SSUH2: variants seen among roughly 807,000 people sequenced by gnomAD.
SSUH2 encodes the protein ssu-2 homolog, also known as protein SSUH2 homolog.
In SSUH2, 47 loss-of-function variants were observed where a neutral mutation model predicts 55.3. The ratio of observed to expected loss-of-function variants is 0.85; its 90% CI spans 0.67 to 1.08. SSUH2 has a LOEUF of 1.08. Ranked by LOEUF, SSUH2 falls within the 50% of genes least tolerant of loss-of-function variation. SSUH2 has a pLI of 0.00. For missense variants in SSUH2, 535 were observed against 490.7 expected (o/e 1.09, Z -0.85); for synonymous variants, 212 against 191.5 (o/e 1.11, Z -0.89).
intron 1 of SSUH2, among the ~76,000 whole-genome samples, chr3:8,641,567 G>C (rs1306394276): frequency 2.0e-5 from 3 of 152,152 alleles, no homozygotes; most frequent in Non-Finnish European, 4.4e-5. Context: ...CCCCAAAGTA[G>C]ATGCTGTATC....
chr3:8,653,672 T>C (rs1702656918), intron 7 of SSUH2, among the ~76,000 whole-genome samples: 1 of 152,270 alleles, frequency 6.6e-6, no homozygotes, highest in Non-Finnish European at 1.5e-5. Flanking sequence ...ACAAGACTTT[T>C]GTTTTTACTG....
At position 8,679,383 on chromosome 3, in the gene SSUH2, A is replaced by T. The variant is rs7431309; in HGVS notation, c.-901+322T>A. Among the ~76,000 whole-genome samples, 15 of 67,400 alleles carry T rather than the reference A, an allele frequency of 2.2e-4. No individual in the cohort carries two copies. The South Asian group carries it at 7.8e-3, about 35-fold the overall frequency. 44.2% of individuals were successfully genotyped at this position (67,400 alleles called of 152,430 possible). A position where few individuals can be genotyped will look rare whatever the true frequency, so the allele number is the denominator to read the frequency against. On this transcript the variant is annotated intron_variant, in intron 2 of 18. Transcript: ENST00000317371. ...ATCGCATTGGCGGGAGGCATCCCCCAGGAGGAGGGGACTGAGAGCCAGCCC... is the reference window on the plus strand; with the variant it reads ...ATCGCATTGGCGGGAGGCATCCCCCTGGAGGAGGGGACTGAGAGCCAGCCC...
chr3:8,680,005 T>G (rs1189151070), intron 1 of SSUH2, among the ~76,000 whole-genome samples: 7 of 151,996 alleles, frequency 4.6e-5, no homozygotes, highest in Non-Finnish European at 7.4e-5. Context: ...CAACAGCAAG[T>G]CTTTCATGAG....
intron 7 of SSUH2, among the ~76,000 whole-genome samples, chr3:8,651,578 G>A (rs1030860210): frequency 2.0e-5 from 3 of 152,130 alleles, no homozygotes; most frequent in South Asian, 2.1e-4. Context: ...GAGGAATCGT[G>A]TATTTTTTTC....
chr3:8,679,416 C>CG (rs1352056301), intron 2 of SSUH2, among the ~76,000 whole-genome samples: 24 of 139,894 alleles, frequency 1.7e-4, no homozygotes, highest in East Asian at 4.7e-4. Flanking sequence ...CCCCTCTTCC[C>CG]CCCCTGGCTC....
chr3:8,658,117 C>G (rs378079), intron 7 of SSUH2, among the ~76,000 whole-genome samples: 148,223 of 152,344 alleles, frequency 0.97, 72,137 homozygotes, highest in East Asian at 1. Flanking sequence ...ACCTCTCTGA[C>G]CCTCAGCTTC....
chr3:8,659,648 C>G (rs1703277169), intron 6 of SSUH2: 1 of 399,346 alleles, frequency 2.5e-6, no homozygotes, highest in Non-Finnish European at 5.0e-6. Flanking sequence ...CTGCTCACAT[C>G]AGTCCCCTGA....
Position 8,625,533 on chromosome 3 carries a change from C to T in SSUH2, c.873+9G>A, listed in dbSNP as rs2125107717. On this transcript the variant is annotated intron_variant, in intron 10 of 11. Coordinates refer to ENST00000544814, the MANE Select transcript of SSUH2 (RefSeq NM_001256748.3). ...GCTTCCTTTGTTCCCATCTACAATG[C>T]CCTCTTACCACCGAGTTTTCATCCT... The T allele has an allele frequency of 6.3e-7, 1 of 1,580,916 alleles. No individual in the cohort carries two copies. The highest frequency in any genetic ancestry group is 2.2e-5 in the East Asian group (1 of 44,688).
chr3:8,648,365 T>C (rs1701979304), upstream of SSUH2, among the ~76,000 whole-genome samples: 1 of 152,198 alleles, frequency 6.6e-6, no homozygotes. Context: ...TGGTTTTCAC[T>C]GACCTGGCTA....
chr3:8,633,244 A>C (rs895744982), intron 4 of SSUH2, among the ~76,000 whole-genome samples: 1 of 151,000 alleles, frequency 6.6e-6, no homozygotes, highest in African/African-American at 2.4e-5. Flanking sequence ...CCCAGTTTCA[A>C]GCAATTGTCC....
At position 8,663,142 on chromosome 3, in the gene SSUH2, A is replaced by AT. The variant is rs546738751; in HGVS notation, c.-396+601dup. ...TGCCTGCTCCCATTTGATCTCCACC[A>AT]TAAATCCAGGGACAGCTATTATCAT... On this transcript the variant is annotated intron_variant, in intron 6 of 18. Transcript: ENST00000317371. Among the ~76,000 whole-genome samples the AT allele has an allele frequency of 3.8e-3, 581 of 152,362 alleles. 3 individuals carry two copies. Among genetic ancestry groups the AT allele is most frequent in the South Asian group, 0.022 (106 of 4,828 alleles).
rs114180775 is a variant in SSUH2 at position 8,674,001 on chromosome 3, G to T, written c.-752-1966C>A. On this transcript the variant is annotated intron_variant, in intron 3 of 18. Transcript: ENST00000317371. The stretch of plus-strand genomic sequence containing the variant: ...CACATGATTCACATGGCTTTAGTCC[G>T]TCAAAGCGCGGAACACGTTAGAAGA... Among the ~76,000 whole-genome samples the T allele has an allele frequency of 4.7e-3, 709 of 152,332 alleles. 4 individuals are homozygous for T. Among genetic ancestry groups the T allele is most frequent in the African/African-American group, 0.016 (665 of 41,572 alleles).
chr3:8,631,213 T>C (rs1182659033), intron 5 of SSUH2, among the ~76,000 whole-genome samples: 1 of 152,126 alleles, frequency 6.6e-6, no homozygotes, highest in Non-Finnish European at 1.5e-5. Flanking sequence ...ATCTCTAAAA[T>C]GGGGATAGTC....
chr3:8,679,435 C>T (rs1705793866), intron 2 of SSUH2, among the ~76,000 whole-genome samples: 1 of 140,504 alleles, frequency 7.1e-6, no homozygotes, highest in African/African-American at 2.5e-5. Flanking sequence ...TCTTAGGACC[C>T]CCATCACAGC....
At position 8,619,700 on chromosome 3, in the gene SSUH2, C is replaced by T; in HGVS notation, c.*168G>A. On this transcript the variant is annotated 3_prime_UTR_variant, in exon 12 of 12. Coordinates refer to ENST00000544814, the MANE Select transcript of SSUH2 (RefSeq NM_001256748.3). ...TGAGTCATGGATTCCACCAGAGGAG[C>T]TGTATAAGGGGTTGGAGCTTGATAG... 1.6e-6 allele frequency: 1 copy of T among 623,954 alleles called. No individual in the cohort carries two copies. The allele number at this position is 623,954 out of a possible 1,614,324, so 38.7% of individuals were successfully genotyped here.
chr3:8,625,429 C>T (rs1170651982), intron 10 of SSUH2, 113 bp downstream of exon 10: 4 of 666,108 alleles, frequency 6.0e-6, no homozygotes, highest in East Asian at 2.8e-5. Flanking sequence ...TCTGCTCCTA[C>T]ACAACCTGTC....
intron 2 of SSUH2, among the ~76,000 whole-genome samples, chr3:8,679,087 C>G (rs1159412861): frequency 9.4e-6 from 1 of 105,826 alleles, no homozygotes; most frequent in Non-Finnish European, 2.2e-5. Context: ...GGACTGAGAG[C>G]AAGCACCTCT....
At chr3:8,654,738 G>T (rs183571028) in intron 7 of SSUH2, among the ~76,000 whole-genome samples, 1 of 151,934 alleles carries the variant, frequency 6.6e-6, no homozygotes, top group African/African-American at 2.4e-5. Flanking sequence ...CAAGGTCTCA[G>T]TGTGTGGCCT....
At chr3:8,673,420 G>T (rs1284137753) in intron 3 of SSUH2, among the ~76,000 whole-genome samples, 1 of 152,060 alleles carries the variant, frequency 6.6e-6, no homozygotes, top group African/African-American at 2.4e-5. Flanking sequence ...AGAGACCAGC[G>T]GTATACTGGG....
Sources: gnomAD v4.1 joint callset for allele counts (sites outside exome capture counted in the v4.1 genomes callset) on GRCh38, gnomAD v4.1.1 for gene constraint, MANE v1.5 for transcripts, NCBI Gene and HGNC (gene_info 2026-07-23, HGNC 2026-07-21) for gene names.